Variants in TUBGCP6 observed in about 807,000 individuals in gnomAD.
TUBGCP6 encodes the protein gamma-tubulin complex component 6.
In TUBGCP6, 161 loss-of-function variants were observed where a neutral mutation model predicts 175.8. The ratio of observed to expected loss-of-function variants is 0.92; its 90% CI spans 0.81 to 1.04. The LOEUF (loss-of-function observed/expected upper bound fraction) is 1.04. TUBGCP6 is among the 50% of genes least tolerant of loss of function. TUBGCP6 has a pLI of 0.00. For missense variants in TUBGCP6, 2,572 were observed against 2,433.0 expected (o/e 1.06, Z -1.20); for synonymous variants, 1,173 against 1,030.5 (o/e 1.14, Z -2.65).
Position 50,226,153 on chromosome 22 carries a change from G to A in TUBGCP6, c.1730C>T (p.Ser577Phe). The change falls in exon 9 of 25, where the codon TCC becomes TTC. Residue 577 changes from serine to phenylalanine, a missense_variant. Physicochemically the swap from Ser to Phe is radical, Grantham distance 155 (BLOSUM62 -2). Coordinates refer to ENST00000248846, the MANE Select transcript of TUBGCP6 (RefSeq NM_020461.4). ...LYWTHGYVLISKEVEDCVPVF... is the reference protein window; with the variant it reads ...LYWTHGYVLIFKEVEDCVPVF... ...GGGAACACAGTCCTCCACCTCTTTG[G>A]AGATGAGCACGTAGCCATGTGTCCA... 6.2e-7 allele frequency: 1 copy of A among 1,614,152 alleles called. No homozygotes were observed. The highest frequency in any genetic ancestry group is 8.5e-7 in the Non-Finnish European group (1 of 1,180,034).
chr22:50,231,258 AG>A (rs1569120175), intron 3 of TUBGCP6, among the ~76,000 whole-genome samples: 1 of 58,138 alleles, frequency 1.7e-5, no homozygotes, highest in East Asian at 5.6e-4. Context: ...GTTTGAGACC[AG>A]CCTGGTCAAC....
Position 50,227,870 on chromosome 22 carries a change from G to A in TUBGCP6, c.1412+37C>T, listed in dbSNP as rs755373166. 168 of 1,559,858 alleles carry A rather than the reference G, an allele frequency of 1.1e-4. 1 individual carries two copies. The highest frequency in any genetic ancestry group is 1.3e-4 in the Non-Finnish European group (154 of 1,152,816). ...ACCCAGCAAGCCCCACACCGCTCCC[G>A]CAAAGTCCCCTGCTCAGCCGCCATG... On this transcript the variant is annotated intron_variant, in intron 5 of 24. Coordinates refer to ENST00000248846, the MANE Select transcript of TUBGCP6 (RefSeq NM_020461.4).
In TUBGCP6 at chr22:50,244,435, C is replaced by T; in HGVS notation, c.25G>A (p.Asp9Asn). 6.2e-7 allele frequency: 1 copy of T among 1,612,438 alleles called. No homozygotes were observed. Among genetic ancestry groups the T allele is most frequent in the Non-Finnish European group, 8.5e-7 (1 of 1,179,734 alleles). Residue 9 changes from aspartate to asparagine, a missense_variant, in exon 1 of 25, where the codon GAC becomes AAC. By Grantham distance (23) the Asp-to-Asn change is conservative. Coordinates refer to ENST00000248846, the MANE Select transcript of TUBGCP6 (RefSeq NM_020461.4). MASITQLFDDLCEALLPAA... is the reference protein window; with the variant it reads MASITQLFNDLCEALLPAA... ...GGCAGGAGGGCCTCACACAGGTCGT[C>T]GAACAGCTGCGTGATGCTGGCCATG...
Position 50,226,823 on chromosome 22 carries a change from T to C in TUBGCP6, c.1511A>G (p.Tyr504Cys), listed in dbSNP as rs745507206. 38 of 1,584,392 alleles carry C rather than the reference T, an allele frequency of 2.4e-5. No individual in the cohort carries two copies. Among genetic ancestry groups the C allele is most frequent in the East Asian group, 1.6e-4 (7 of 43,970 alleles). The part of the protein sequence containing the change: ...AFPTGVKLLS[Y>C]LYQEALHNCS... ...GTTGTGCAGAGCCTCCTGGTAGAGG[T>C]AGGACAGCAGCTTCACGCCCTGCAG... The change falls in exon 7 of 25, where the codon TAC (tyrosine) becomes TGC (cysteine). Residue 504 changes from tyrosine to cysteine, a missense_variant. Tyr to Cys is a radical substitution (Grantham distance 194). Coordinates refer to ENST00000248846, the MANE Select transcript of TUBGCP6 (RefSeq NM_020461.4).
intron 2 of TUBGCP6, among the ~76,000 whole-genome samples, chr22:50,238,766 T>C (rs2064807031): frequency 6.6e-6 from 1 of 152,074 alleles, no homozygotes; most frequent in African/African-American, 2.4e-5. Flanking sequence ...CTCGATCTCC[T>C]GACCTCGTGA....
At position 50,221,545 on chromosome 22, in the gene TUBGCP6, G is replaced by A. The variant is rs759102437; in HGVS notation, c.2814C>T (p.Pro938=). 1.7e-5 allele frequency: 27 copies of A among 1,586,694 alleles called. No individual in the cohort carries two copies. Among genetic ancestry groups the A allele is most frequent in the South Asian group, 3.4e-5 (3 of 88,948 alleles). Residue 938 remains proline, a synonymous_variant, in exon 16 of 25, where the codon CCC becomes CCT. Transcript: ENST00000248846. The stretch of plus-strand genomic sequence containing the variant: ...TGGAGGGCTGAGTGCTGGCTGCTGC[G>A]GGTGCCTCCCCAGGAGCTGAGGGGG... ...DLPPSAPGEA[P]AAASTQPSRP...
In TUBGCP6 at chr22:50,232,512, T is replaced by C. The variant is rs547373427; in HGVS notation, c.1116+804A>G. Among the ~76,000 whole-genome samples the C allele has an allele frequency of 5.6e-4, 85 of 151,854 alleles. 2 individuals carry two copies. Among genetic ancestry groups the C allele is most frequent in the Admixed American group, 1.4e-3 (21 of 15,268 alleles). ...AGGTCGAGGCTACTGTGAGCTGTGA[T>C]GGTGCCACTGCACTCCAGCCTGGGC... On this transcript the variant is annotated intron_variant, in intron 3 of 24. Transcript: ENST00000248846.
chr22:50,225,778 C>T lies in TUBGCP6; in HGVS notation c.1983+16G>A. 3 of 1,605,940 alleles carry T rather than the reference C, an allele frequency of 1.9e-6. No homozygotes were observed. Reference sequence around the variant, plus strand: ...CAGGGGCGAAGAAAGCCCCCGAGACCTGTGGTGCCACGCACCTTCTCCTCC... The same window carrying T: ...CAGGGGCGAAGAAAGCCCCCGAGACTTGTGGTGCCACGCACCTTCTCCTCC... On this transcript the variant is annotated intron_variant, in intron 10 of 24. Coordinates refer to ENST00000248846, the MANE Select transcript of TUBGCP6 (RefSeq NM_020461.4).
rs1383833184 is a variant in TUBGCP6, at chr22:50,243,626, AAAAAAAAAG to A, written c.741+84_741+92del. ...GAGTGAGACACTGTCTCAAAAAAAA[AAAAAAAAAG>A]AAGAAGAAGAAGAAGAAGAAAGGTC... On this transcript the variant is annotated intron_variant, in intron 1 of 24. Transcript: ENST00000248846. 16 of 1,102,610 alleles carry A rather than the reference AAAAAAAAAG, an allele frequency of 1.5e-5. No homozygotes were observed. In the South Asian group the frequency reaches 2.6e-4, roughly 18 times the overall value. 68.3% of individuals were successfully genotyped at this position (1,102,610 alleles called of 1,614,324 possible). A position where few individuals can be genotyped will look rare whatever the true frequency, so the allele number is the denominator to read the frequency against.
chr22:50,220,918 G>A lies in TUBGCP6; in HGVS notation c.3441C>T (p.Asn1147=), dbSNP rs73893142. 14,576 of 1,594,810 alleles carry A rather than the reference G, an allele frequency of 9.1e-3. 1,140 individuals are homozygous for A. In the African/African-American group the frequency reaches 0.18, roughly 20 times the overall value. ...GCCGGGTGGGAGCCACGTCCGACAC[G>A]TTCTCCCCAACCCTGATGCTGGCGT... is the stretch of plus-strand genomic sequence containing the variant. ...VSNASIRVGE[N]VSDVAPTRPR... Residue 1147 remains asparagine, a synonymous_variant, in exon 16 of 25, where the codon AAC becomes AAT. Transcript: ENST00000248846.
intron 3 of TUBGCP6, among the ~76,000 whole-genome samples, chr22:50,231,711 T>C (rs2064695164): frequency 6.6e-6 from 1 of 150,450 alleles, no homozygotes; most frequent in South Asian, 2.1e-4. Context: ...TACAAAAAAT[T>C]AGACGGGCGC....
In TUBGCP6 at chr22:50,220,232, C is replaced by A; in HGVS notation, c.4108+19G>T. ...CGTCCCACAGTCCCACTCCTGACCA[C>A]CAGCCACCCTACTCTGACCTAGTTC... On this transcript the variant is annotated intron_variant, in intron 16 of 24. Transcript: ENST00000248846. 6.5e-7 allele frequency: 1 copy of A among 1,543,648 alleles called. No homozygotes were observed. The highest frequency in any genetic ancestry group is 8.8e-7 in the Non-Finnish European group (1 of 1,140,918).
chr22:50,229,630 G>A, intron 3 of TUBGCP6, 53 bp from the exon 4 acceptor site: 1 of 1,520,444 alleles, frequency 6.6e-7, no homozygotes, highest in Non-Finnish European at 8.9e-7. Context: ...CAGACCCCCA[G>A]TAAGGTGCCG....
In TUBGCP6 at chr22:50,244,377, A is replaced by C; in HGVS notation, c.83T>G (p.Val28Gly). 6.2e-7 allele frequency: 1 copy of C among 1,613,322 alleles called. No homozygotes were observed. The highest frequency in any genetic ancestry group is 8.5e-7 in the Non-Finnish European group (1 of 1,180,024). Residue 28 changes from valine to glycine, a missense_variant, in exon 1 of 25, where the codon GTG (valine) becomes GGG (glycine). By Grantham distance (109) the Val-to-Gly change is moderately radical. Transcript: ENST00000248846. ...GCTCCGCTTTGCCCTCTTCCGGTTCACACTGCGCTGGCCCAGGTGAGTCTT... is the reference window on the plus strand; with the variant it reads ...GCTCCGCTTTGCCCTCTTCCGGTTCCCACTGCGCTGGCCCAGGTGAGTCTT... ...AAKTHLGQRS[V>G]NRKRAKRSLK...
rs2064488498 is a variant in TUBGCP6, at chr22:50,219,981, A to G, written c.4143T>C (p.Ser1381=). The G allele has an allele frequency of 6.2e-7, 1 of 1,613,962 alleles. No individual in the cohort carries two copies. The highest frequency in any genetic ancestry group is 8.5e-7 in the Non-Finnish European group (1 of 1,179,948). Residue 1381 remains serine (S), a synonymous_variant, in exon 17 of 25, where the codon TCT becomes TCC. Transcript: ENST00000248846. ...PGRSGDTEDL[S]PNWPLNSQED... is the part of the protein sequence containing the mutation. ...CCTGTGAGTTGAGAGGCCAATTTGG[A>G]GAGAGGTCCTCAGTGTCCCCGCTCC...
intron 4 of TUBGCP6, 46 bp from the exon 5 acceptor site, chr22:50,228,074 C>T: frequency 6.7e-7 from 1 of 1,489,082 alleles, no homozygotes; most frequent in South Asian, 1.4e-5. Flanking sequence ...CACATGGACG[C>T]AGCCGTGCCC....
In TUBGCP6 at chr22:50,218,840, G is replaced by A; in HGVS notation, c.4684C>T (p.Leu1562=). ...AGGCTGCACTGCAGGGCCTTGCTCA[G>A]CACAGAGTTCAGCACCAGCGGGTTG... ...LLNPLVLNSV[L]SKALQCSLHG... is the part of the protein sequence containing the mutation. Residue 1562 remains leucine (L), a synonymous_variant, in exon 21 of 25, where the codon CTG becomes TTG. Coordinates refer to ENST00000248846, the MANE Select transcript of TUBGCP6 (RefSeq NM_020461.4). The A allele has an allele frequency of 6.2e-7, 1 of 1,614,054 alleles. No homozygotes were observed. Among genetic ancestry groups the A allele is most frequent in the Non-Finnish European group, 8.5e-7 (1 of 1,180,008 alleles).
chr22:50,219,902 G>A (rs1393058296), intron 17 of TUBGCP6, 55 bp downstream of exon 17: 4 of 1,610,766 alleles, frequency 2.5e-6, no homozygotes, highest in Non-Finnish European at 3.4e-6. Flanking sequence ...TGACAACCTA[G>A]AGGGACAGAG....
At chr22:50,217,855 T>C in intron 24 of TUBGCP6, 28 bp from the exon 25 acceptor site, 1 of 1,612,324 alleles carries the variant, frequency 6.2e-7, no homozygotes, top group Non-Finnish European at 8.5e-7. Flanking sequence ...GCTCAGGCTT[T>C]TGCCCACAGT....
Sources: allele counts gnomAD v4.1 joint callset (sites outside exome capture counted in the v4.1 genomes callset), GRCh38; gene constraint gnomAD v4.1.1; transcripts MANE v1.5; gene names NCBI Gene and HGNC (gene_info 2026-07-23, HGNC 2026-07-21).